Variants in COQ10B observed in about 807,000 individuals in gnomAD.
The protein encoded by COQ10B is coenzyme Q-binding protein COQ10 homolog B, mitochondrial.
Under a neutral mutation model 27.6 loss-of-function variants are expected in COQ10B, and 12 were observed. The observed-to-expected ratio is 0.43, with a 90% CI of 0.28 to 0.70. The LOEUF is 0.70. Among genes scored for constraint, COQ10B ranks in the 30% least tolerant of loss-of-function variants. The probability of loss-of-function intolerance (pLI) is 0.17; values close to 1 mark genes in which losing one functional copy is unlikely to be tolerated. For synonymous variants in COQ10B, 115 were observed against 103.0 expected (o/e 1.12, Z -0.71); for missense variants, 278 against 288.7 (o/e 0.96, Z 0.27).
intron 3 of COQ10B, among the ~76,000 whole-genome samples, chr2:197,469,065 G>T (rs2085854894): frequency 6.6e-6 from 1 of 151,748 alleles, no homozygotes; most frequent in African/African-American, 2.4e-5. Context: ...GACAGTGTCT[G>T]GCTCTGTCAC....
intron 4 of COQ10B, among the ~76,000 whole-genome samples, chr2:197,473,416 A>AAAAT (rs2085901772): frequency 2.0e-5 from 1 of 51,260 alleles, no homozygotes; most frequent in African/African-American, 6.2e-5. Context: ...AAAAAAAAAA[A>AAAAT]TATATATATA....
chr2:197,462,302 G>C (rs1355107550), intron 2 of COQ10B, among the ~76,000 whole-genome samples: 1 of 151,616 alleles, frequency 6.6e-6, no homozygotes, highest in African/African-American at 2.4e-5. Context: ...CTTTATGTCA[G>C]ATTCAACCTG....
In COQ10B at chr2:197,462,703, TAACCTTGGTGA is replaced by T. The variant is rs2085775427; in HGVS notation, c.425_435del (p.Leu142SerfsTer9). On this transcript the variant is annotated frameshift_variant, in exon 3 of 5. Coordinates refer to ENST00000263960, the MANE Select transcript of COQ10B (RefSeq NM_025147.5). LOFTEE classifies it high-confidence loss of function. ...GTGTTGGAGCGATATACATCAGTAGTAACCTTGGTGAAACCTCATTTAGTAAAGGTAACAGT... is the reference window on the plus strand; with the variant it reads ...GTGTTGGAGCGATATACATCAGTAGTAACCTCATTTAGTAAAGGTAACAGT... 1 of 1,555,328 alleles carries T rather than the reference TAACCTTGGTGA, an allele frequency of 6.4e-7. No individual in the cohort carries two copies.
At chr2:197,468,380 T>C (rs1415940928) in intron 3 of COQ10B, among the ~76,000 whole-genome samples, 3 of 150,066 alleles carry the variant, frequency 2.0e-5, no homozygotes, top group African/African-American at 7.4e-5. Flanking sequence ...GAGGCGGAGC[T>C]TGCAGTGAGT....
chr2:197,463,329 G>A (rs762060232), intron 3 of COQ10B, among the ~76,000 whole-genome samples: 8 of 151,722 alleles, frequency 5.3e-5, no homozygotes, highest in East Asian at 2.0e-4. Context: ...AAAATTAGCC[G>A]GGCGTAGTGG....
intron 2 of COQ10B, 106 bp from the exon 3 acceptor site, chr2:197,462,429 ATGAT>A: frequency 1.6e-6 from 1 of 609,144 alleles, no homozygotes. Flanking sequence ...TATGTGCTGA[ATGAT>A]TTATTTATCA....
At chr2:197,468,834 T>C (rs2085851316) in intron 3 of COQ10B, among the ~76,000 whole-genome samples, 1 of 152,002 alleles carries the variant, frequency 6.6e-6, no homozygotes, top group Non-Finnish European at 1.5e-5. Flanking sequence ...GTCACACACC[T>C]GTGGTCCCAG....
rs757289338 is a variant in COQ10B at position 197,470,180 on chromosome 2, CAT to C, written c.549+11_549+12del. On this transcript the variant is annotated intron_variant, in intron 4 of 4. Coordinates refer to ENST00000263960, the MANE Select transcript of COQ10B (RefSeq NM_025147.5). ...GTACCTTGGATTTTTCAGTAAGTCT[CAT>C]AAAGCCCTTGATTTGTTCCACTTAT... 1.3e-6 allele frequency: 2 copies of C among 1,539,238 alleles called. No homozygotes were observed. Among genetic ancestry groups the C allele is most frequent in the Non-Finnish European group, 1.8e-6 (2 of 1,113,924 alleles).
intron 3 of COQ10B, among the ~76,000 whole-genome samples, chr2:197,464,656 A>G (rs967342894): frequency 6.6e-6 from 1 of 152,070 alleles, no homozygotes; most frequent in Non-Finnish European, 1.5e-5. Flanking sequence ...TTACTGCTTT[A>G]CTTGAATTAC....
intron 1 of COQ10B, among the ~76,000 whole-genome samples, chr2:197,454,497 A>C (rs1019462958): frequency 1.3e-5 from 2 of 152,166 alleles, no homozygotes; most frequent in East Asian, 1.9e-4. Flanking sequence ...TTTTTTTAAA[A>C]AAAGATTCAA....
chr2:197,462,510 C>T (rs756592332), intron 2 of COQ10B, 29 bp from the exon 3 acceptor site: 1 of 1,223,098 alleles, frequency 8.2e-7, no homozygotes, highest in South Asian at 1.4e-5. Context: ...ATGGAGTTAA[C>T]ACCTCTTTTT....
chr2:197,456,977 G>C (rs966534715), intron 1 of COQ10B, among the ~76,000 whole-genome samples: 1 of 146,510 alleles, frequency 6.8e-6, no homozygotes, highest in Non-Finnish European at 1.5e-5. Flanking sequence ...GTGGAAGACA[G>C]TTTCTCTACA....
intron 2 of COQ10B, among the ~76,000 whole-genome samples, chr2:197,462,289 C>T (rs904115606): frequency 2.0e-5 from 3 of 151,148 alleles, no homozygotes; most frequent in Non-Finnish European, 1.5e-5. Context: ...AAAAAAATTA[C>T]CTCTTTATGT....
intron 2 of COQ10B, 22 bp from the exon 3 acceptor site, chr2:197,462,515 CTT>C (rs2085772011): frequency 2.2e-6 from 3 of 1,355,548 alleles, no homozygotes; most frequent in African/African-American, 1.5e-5. Flanking sequence ...GTTAACACCT[CTT>C]TTTTATTTTT....
Position 197,474,209 on chromosome 2 carries a change from T to C in COQ10B, c.*285T>C, listed in dbSNP as rs1196586814. 4 of 240,028 alleles carry C rather than the reference T, an allele frequency of 1.7e-5. No individual in the cohort carries two copies. In the East Asian group the frequency reaches 3.2e-4, roughly 19 times the overall value. The allele number at this position is 240,028 out of a possible 1,614,324, so 14.9% of individuals were successfully genotyped here. A position where few individuals can be genotyped will look rare whatever the true frequency, so the allele number is the denominator to read the frequency against. On this transcript the variant is annotated 3_prime_UTR_variant, in exon 5 of 5. Coordinates refer to ENST00000263960, the MANE Select transcript of COQ10B (RefSeq NM_025147.5). ...CTGGCATGATTCTTCTGAGCAGAAGTTGAAACTGTAAATTTAAACCTTTTA... is the reference window on the plus strand; with the variant it reads ...CTGGCATGATTCTTCTGAGCAGAAGCTGAAACTGTAAATTTAAACCTTTTA...
At chr2:197,466,543 T>C (rs1434651169) in intron 3 of COQ10B, among the ~76,000 whole-genome samples, 1 of 152,330 alleles carries the variant, frequency 6.6e-6, no homozygotes, top group Non-Finnish European at 1.5e-5. Context: ...AGCAATACTA[T>C]AATGATGGGA....
At chr2:197,471,466 C>T (rs780241410) in intron 4 of COQ10B, among the ~76,000 whole-genome samples, 1 of 151,606 alleles carries the variant, frequency 6.6e-6, no homozygotes, top group Non-Finnish European at 1.5e-5. Flanking sequence ...TTCATATAAT[C>T]GTAGTTATAG....
intron 1 of COQ10B, among the ~76,000 whole-genome samples, chr2:197,458,284 G>C (rs2085721590): frequency 6.6e-6 from 1 of 151,880 alleles, no homozygotes; most frequent in African/African-American, 2.4e-5. Context: ...ATGTGTATTA[G>C]TATATACATA....
intron 2 of COQ10B, 126 bp downstream of exon 2, chr2:197,460,207 T>TTTA: frequency 1.6e-6 from 1 of 631,930 alleles, no homozygotes; most frequent in Non-Finnish European, 2.5e-6. Context: ...GGTTGGCCTT[T>TTTA]TTCTTTTTTT....
Sources: gnomAD v4.1 joint callset for allele counts (sites outside exome capture counted in the v4.1 genomes callset) on GRCh38, gnomAD v4.1.1 for gene constraint, MANE v1.5 for transcripts, NCBI Gene and HGNC (gene_info 2026-07-23, HGNC 2026-07-21) for gene names.